Variants in PCSK1N observed in about 807,000 individuals in gnomAD.
PCSK1N encodes proprotein convertase subtilisin/kexin type 1 inhibitor.
A neutral mutation model predicts 10.6 loss-of-function variants in PCSK1N; 8 were observed. That is an observed-to-expected ratio of 0.76 (90% confidence interval 0.44 to 1.37). The LOEUF is 1.37. PCSK1N is among the 40% of genes most tolerant of loss of function. PCSK1N has a pLI of 0.00. For synonymous variants in PCSK1N, 143 were observed against 137.1 expected, an observed-to-expected ratio of 1.04 and a Z score of -0.30; for missense variants, 301 against 268.5, an observed-to-expected ratio of 1.12 and a Z score of -0.84.
chrX:48,832,138 C>A lies in PCSK1N; in HGVS notation c.318G>T (p.Leu106=), dbSNP rs782231049. 10 of 1,132,599 alleles carry A rather than the reference C, an allele frequency of 8.8e-6. No homozygotes were observed. The South Asian group carries it at 1.8e-4, about 20-fold the overall frequency. 93.3% of individuals were successfully genotyped at this position (1,132,599 alleles called of 1,213,427 possible). The change falls in exon 2 of 3, where the codon CTG becomes CTT. Residue 106 remains leucine (L), a synonymous_variant. Transcript: ENST00000218230. ...QEAEDQQARV[L]AQLLRVWGAP... ...CGCCCCAGACGCGCAGCAGCTGCGC[C>A]AGGACGCGCGCCTGCTGATCCTCAG...
In PCSK1N at chrX:48,832,078, G is replaced by T; in HGVS notation, c.378C>A (p.Asp126Glu). The T allele has an allele frequency of 8.9e-7, 1 of 1,119,845 alleles. No homozygotes were observed. The highest frequency in any genetic ancestry group is 1.2e-6 in the Non-Finnish European group (1 of 858,155). The allele number at this position is 1,119,845 out of a possible 1,213,427, so 92.3% of individuals were successfully genotyped here. ...GCGCTGCAGGCGCGTCGGGGTCGTC[G>T]TCCAGGCCCAGAGCCGGATCAGAGT... ...PRNSDPALGL[D>E]DDPDAPAAQL... The change falls in exon 2 of 3, where the codon GAC (aspartate) becomes GAA (glutamate). Residue 126 changes from aspartate (D) to glutamate (E), a missense_variant. By Grantham distance (45) the Asp-to-Glu change is conservative (BLOSUM62 2). Coordinates refer to ENST00000218230, the MANE Select transcript of PCSK1N (RefSeq NM_013271.5).
Position 48,831,378 on chromosome X carries a change from G to C in PCSK1N, c.665C>G (p.Ala222Gly). 9.0e-7 allele frequency: 1 copy of C among 1,114,184 alleles called. No individual in the cohort carries two copies. The highest frequency in any genetic ancestry group is 1.2e-6 in the Non-Finnish European group (1 of 853,353). 91.8% of individuals were successfully genotyped at this position (1,114,184 alleles called of 1,213,427 possible). A position where few individuals can be genotyped will look rare whatever the true frequency, so the allele number is the denominator to read the frequency against. ...CAGCTCAGAGCCCACATCGTGGTCG[G>C]CGGCACGGCGGAGGCGGCGCGGGGC... ...VAAPRRLRRA[A>G]DHDVGSELPP... The change falls in exon 3 of 3, where the codon GCC becomes GGC. Residue 222 changes from alanine to glycine, a missense_variant. Transcript: ENST00000218230.
At chrX:48,834,055 AT>A (rs1287647655) in intron 1 of PCSK1N, among the ~76,000 whole-genome samples, 5 of 110,806 alleles carry the variant, frequency 4.5e-5, no homozygotes, top group African/African-American at 1.3e-4. Context: ...TAAACAATGG[AT>A]TTTTTTTGAG....
rs2063172219 is a variant in PCSK1N, at chrX:48,831,418, A to G, written c.625T>C (p.Ser209Pro). The change falls in exon 3 of 3, where the codon TCC becomes CCC. Residue 209 changes from serine (S) to proline (P), a missense_variant. Transcript: ENST00000218230. Reference protein sequence around the residue: ...LGRILAGSADSEGVAAPRRLR... With the variant: ...LGRILAGSADPEGVAAPRRLR... ...CGGCGCGGGGCTGCCACCCCCTCGG[A>G]GTCCGCGCTTCCCGCAAGAATCCGT... 9.2e-7 allele frequency: 1 copy of G among 1,085,385 alleles called. No homozygotes were observed. The highest frequency in any genetic ancestry group is 1.2e-6 in the Non-Finnish European group (1 of 840,170). 89.4% of individuals were successfully genotyped at this position (1,085,385 alleles called of 1,213,427 possible). A position where few individuals can be genotyped will look rare whatever the true frequency, so the allele number is the denominator to read the frequency against.
At position 48,835,412 on chromosome X, in the gene PCSK1N, G is replaced by T; in HGVS notation, c.114+7C>A. On this transcript the variant is annotated splice_region_variant and intron_variant, in intron 1 of 2. Transcript: ENST00000218230. ...AACCCCCACCCCTCGCCGGACTGGGGTCGCACCTTTACCGGCCGCGCGCAG... is the reference window on the plus strand; with the variant it reads ...AACCCCCACCCCTCGCCGGACTGGGTTCGCACCTTTACCGGCCGCGCGCAG... The T allele has an allele frequency of 1.2e-6, 1 of 867,997 alleles. No individual in the cohort carries two copies. 71.5% of individuals were successfully genotyped at this position (867,997 alleles called of 1,213,427 possible). A position where few individuals can be genotyped will look rare whatever the true frequency, so the allele number is the denominator to read the frequency against.
chrX:48,831,937 G>A lies in PCSK1N; in HGVS notation c.519C>T (p.Asp173=). Residue 173 remains aspartate (D), a synonymous_variant, in exon 2 of 3, where the codon GAC becomes GAT. Transcript: ENST00000218230. ...CCTCAGCATCCGGGCCCGCGGGGCCGTCGTCGTAGACCGGGGGCCGGGGTC... is the reference window on the plus strand; with the variant it reads ...CCTCAGCATCCGGGCCCGCGGGGCCATCGTCGTAGACCGGGGGCCGGGGTC... The part of the protein sequence containing the change: ...ALRPRPPVYD[D]GPAGPDAEEA... 2 of 1,077,843 alleles carry A rather than the reference G, an allele frequency of 1.9e-6. No homozygotes were observed. The highest frequency in any genetic ancestry group is 4.8e-5 in the South Asian group (2 of 42,060). 88.8% of individuals were successfully genotyped at this position (1,077,843 alleles called of 1,213,427 possible).
At position 48,831,340 on chromosome X, in the gene PCSK1N, C is replaced by G. The variant is rs782611709; in HGVS notation, c.703G>C (p.Val235Leu). The G allele has an allele frequency of 1.7e-6, 2 of 1,161,937 alleles. No homozygotes were observed. The highest frequency in any genetic ancestry group is 3.6e-5 in the African/African-American group (2 of 56,141). Residue 235 changes from valine to leucine, a missense_variant, in exon 3 of 3, where the codon GTG (valine) becomes CTG (leucine). Transcript: ENST00000218230. ...TTCACACGCAGCAGCGCCCCCAGCA[C>G]GCCCTCAGGGGGCAGCTCAGAGCCC... The part of the protein sequence containing the change: ...DVGSELPPEG[V>L]LGALLRVKRL...
rs782252911 is a variant in PCSK1N, at chrX:48,831,313, G to T, written c.730C>A (p.Arg244Ser). 10 of 1,175,453 alleles carry T rather than the reference G, an allele frequency of 8.5e-6. No homozygotes were observed. Among genetic ancestry groups the T allele is most frequent in the African/African-American group, 1.8e-5 (1 of 55,901 alleles). Residue 244 changes from arginine (R) to serine (S), a missense_variant, in exon 3 of 3, where the codon CGC becomes AGC. Arg to Ser is a moderately radical substitution (Grantham distance 110). Transcript: ENST00000218230. Reference sequence around the variant, plus strand: ...ACCTGGGGCGCCGGGGTCTCTAGGCGTTTCACACGCAGCAGCGCCCCCAGC... The same window carrying T: ...ACCTGGGGCGCCGGGGTCTCTAGGCTTTTCACACGCAGCAGCGCCCCCAGC... ...GVLGALLRVKRLETPAPQVPA... is the reference protein window; with the variant it reads ...GVLGALLRVKSLETPAPQVPA...
At chrX:48,833,489 G>A (rs1222955366) in intron 1 of PCSK1N, among the ~76,000 whole-genome samples, 1 of 112,616 alleles carries the variant, frequency 8.9e-6, no homozygotes. Flanking sequence ...AAATCAAAAA[G>A]TCTGATAATA....
intron 1 of PCSK1N, among the ~76,000 whole-genome samples, 200 bp from the exon 2 acceptor site, chrX:48,832,541 C>T (rs2063176616): frequency 1.0e-5 from 1 of 99,812 alleles, no homozygotes; most frequent in Admixed American, 1.1e-4. Flanking sequence ...CAAAGATCCC[C>T]AGACACCCCC....
intron 2 of PCSK1N, 96 bp downstream of exon 2, chrX:48,831,773 G>A: frequency 1.5e-6 from 1 of 680,424 alleles, no homozygotes; most frequent in Non-Finnish European, 2.0e-6. Flanking sequence ...AGGACTTAGG[G>A]GTTCGCACTC....
In PCSK1N at chrX:48,832,121, A is replaced by T. The variant is rs781896796; in HGVS notation, c.335T>A (p.Val112Asp). The T allele has an allele frequency of 4.3e-5, 48 of 1,124,855 alleles. No individual in the cohort carries two copies. The highest frequency in any genetic ancestry group is 3.2e-4 in the Middle Eastern group (1 of 3,138). 92.7% of individuals were successfully genotyped at this position (1,124,855 alleles called of 1,213,427 possible). ...ATCAGAGTTGCGGGGGGCGCCCCAG[A>T]CGCGCAGCAGCTGCGCCAGGACGCG... Reference protein sequence around the residue: ...QARVLAQLLRVWGAPRNSDPA... With the variant: ...QARVLAQLLRDWGAPRNSDPA... The change falls in exon 2 of 3, where the codon GTC (valine) becomes GAC (aspartate). Residue 112 changes from valine to aspartate, a missense_variant. Transcript: ENST00000218230.
In PCSK1N at chrX:48,833,636, G is replaced by A. The variant is rs781980578; in HGVS notation, c.115-1295C>T. Among the ~76,000 whole-genome samples, 107 of 111,661 alleles carry A rather than the reference G, an allele frequency of 9.6e-4. 2 individuals carry two copies. The South Asian group carries it at 0.023, about 24-fold the overall frequency. On this transcript the variant is annotated intron_variant, in intron 1 of 2. Transcript: ENST00000218230. ...ATATCCTATGACCCACTCCTGGGAT[G>A]TCACTCCCCAGAGCAGCTTTGGCAC...
Position 48,832,078 on chromosome X carries a change from G to C in PCSK1N, c.378C>G (p.Asp126Glu). The C allele has an allele frequency of 1.8e-6, 2 of 1,119,845 alleles. No homozygotes were observed. Among genetic ancestry groups the C allele is most frequent in the Non-Finnish European group, 2.3e-6 (2 of 858,155 alleles). The allele number at this position is 1,119,845 out of a possible 1,213,427, so 92.3% of individuals were successfully genotyped here. Reference sequence around the variant, plus strand: ...GCGCTGCAGGCGCGTCGGGGTCGTCGTCCAGGCCCAGAGCCGGATCAGAGT... The same window carrying C: ...GCGCTGCAGGCGCGTCGGGGTCGTCCTCCAGGCCCAGAGCCGGATCAGAGT... ...PRNSDPALGLDDDPDAPAAQL... is the reference protein window; with the variant it reads ...PRNSDPALGLEDDPDAPAAQL... Residue 126 changes from aspartate (D) to glutamate (E), a missense_variant, in exon 2 of 3, where the codon GAC becomes GAG. By Grantham distance (45) the Asp-to-Glu change is conservative. Transcript: ENST00000218230.
At position 48,832,106 on chromosome X, in the gene PCSK1N, C is replaced by T. The variant is rs1391790633; in HGVS notation, c.350G>A (p.Arg117His). ...CAGGCCCAGAGCCGGATCAGAGTTG[C>T]GGGGGGCGCCCCAGACGCGCAGCAG... is the stretch of plus-strand genomic sequence containing the variant. ...AQLLRVWGAP[R>H]NSDPALGLDD... The change falls in exon 2 of 3, where the codon CGC becomes CAC. Residue 117 changes from arginine (R) to histidine (H), a missense_variant. By Grantham distance (29) the Arg-to-His change is conservative. Transcript: ENST00000218230. 8.9e-7 allele frequency: 1 copy of T among 1,123,707 alleles called. No homozygotes were observed. The highest frequency in any genetic ancestry group is 1.9e-5 in the African/African-American group (1 of 53,105). 92.6% of individuals were successfully genotyped at this position (1,123,707 alleles called of 1,213,427 possible).
chrX:48,832,668 G>A (rs1452236116), intron 1 of PCSK1N, among the ~76,000 whole-genome samples: 1 of 107,897 alleles, frequency 9.3e-6, no homozygotes. Flanking sequence ...AGATATGACA[G>A]TTATAGATTT....
chrX:48,833,054 C>T (rs997834596), intron 1 of PCSK1N, among the ~76,000 whole-genome samples: 2 of 111,884 alleles, frequency 1.8e-5, no homozygotes, highest in Non-Finnish European at 3.8e-5. Context: ...AATACATGAT[C>T]GCCTATTTCA....
At position 48,832,138 on chromosome X, in the gene PCSK1N, C is replaced by T. The variant is rs782231049; in HGVS notation, c.318G>A (p.Leu106=). The T allele has an allele frequency of 8.8e-7, 1 of 1,132,599 alleles. No individual in the cohort carries two copies. Among genetic ancestry groups the T allele is most frequent in the Admixed American group, 2.7e-5 (1 of 36,371 alleles). 93.3% of individuals were successfully genotyped at this position (1,132,599 alleles called of 1,213,427 possible). A position where few individuals can be genotyped will look rare whatever the true frequency, so the allele number is the denominator to read the frequency against. ...QEAEDQQARV[L]AQLLRVWGAP... ...CGCCCCAGACGCGCAGCAGCTGCGCCAGGACGCGCGCCTGCTGATCCTCAG... is the reference window on the plus strand; with the variant it reads ...CGCCCCAGACGCGCAGCAGCTGCGCTAGGACGCGCGCCTGCTGATCCTCAG... The change falls in exon 2 of 3, where the codon CTG becomes CTA. Residue 106 remains leucine, a synonymous_variant. Transcript: ENST00000218230.
Sources: allele counts gnomAD v4.1 joint callset (sites outside exome capture counted in the v4.1 genomes callset), GRCh38; gene constraint gnomAD v4.1.1; transcripts MANE v1.5; gene names NCBI Gene and HGNC (gene_info 2026-07-23, HGNC 2026-07-21).